Variants in ATP10A observed in about 807,000 individuals in gnomAD.
The protein encoded by ATP10A is phospholipid-transporting ATPase VA.
In ATP10A, 111 loss-of-function variants were observed where a neutral mutation model predicts 147.8. The ratio of observed to expected loss-of-function variants is 0.75; its 90% confidence interval spans 0.64 to 0.88. The LOEUF is 0.88. Among genes scored for constraint, ATP10A ranks in the 40% least tolerant of loss-of-function variants. ATP10A has a pLI of 0.00. For synonymous variants in ATP10A, 875 were observed against 841.6 expected, an observed-to-expected ratio of 1.04 and a Z score of -0.69; for missense variants, 1,927 against 1,959.0, an observed-to-expected ratio of 0.98 and a Z score of 0.31.
intron 2 of ATP10A, among the ~76,000 whole-genome samples, chr15:25,761,424 C>T (rs986704851): frequency 6.6e-6 from 1 of 152,232 alleles, no homozygotes; most frequent in African/African-American, 2.4e-5. Flanking sequence ...AGAAGAGGGC[C>T]ACCGTCCTCC....
chr15:25,768,544 T>C (rs1418061385), intron 2 of ATP10A, among the ~76,000 whole-genome samples: 2 of 150,568 alleles, frequency 1.3e-5, no homozygotes, highest in East Asian at 1.9e-4. Flanking sequence ...CTCTCTCTTT[T>C]TTTTTTTTTT....
intron 2 of ATP10A, among the ~76,000 whole-genome samples, chr15:25,773,292 C>T (rs1482130117): frequency 6.6e-6 from 1 of 152,130 alleles, no homozygotes; most frequent in Non-Finnish European, 1.5e-5. Flanking sequence ...ATAGGTTGAA[C>T]GAGGGAAGCT....
chr15:25,756,097 T>G (rs1009636090), intron 2 of ATP10A, among the ~76,000 whole-genome samples: 4 of 152,228 alleles, frequency 2.6e-5, no homozygotes, highest in Non-Finnish European at 5.9e-5. Context: ...GTTCTGTTCA[T>G]TGTTTACCTT....
At chr15:25,825,268 T>C (rs1892068674) in intron 1 of ATP10A, among the ~76,000 whole-genome samples, 1 of 152,066 alleles carries the variant, frequency 6.6e-6, no homozygotes, top group Non-Finnish European at 1.5e-5. Flanking sequence ...GGCTATGAGG[T>C]GGGGCAAACA....
intron 1 of ATP10A, among the ~76,000 whole-genome samples, chr15:25,808,244 G>T (rs1274045498): frequency 1.3e-5 from 2 of 152,152 alleles, no homozygotes; most frequent in Admixed American, 6.5e-5. Context: ...TTACTATCCT[G>T]CAGGGAATTT....
intron 1 of ATP10A, among the ~76,000 whole-genome samples, chr15:25,820,306 GAAGTA>G (rs1891827272): frequency 6.6e-6 from 1 of 152,124 alleles, no homozygotes; most frequent in Non-Finnish European, 1.5e-5. Context: ...AAAAGTTAAA[GAAGTA>G]AATTTCAAAA....
chr15:25,719,463 G>A (rs1902068251), intron 7 of ATP10A, among the ~76,000 whole-genome samples: 1 of 152,126 alleles, frequency 6.6e-6, no homozygotes, highest in Non-Finnish European at 1.5e-5. Flanking sequence ...TCAGCCCAGT[G>A]CACCGGAAGC....
intron 1 of ATP10A, among the ~76,000 whole-genome samples, chr15:25,794,458 TAC>T (rs1192276592): frequency 1.3e-5 from 2 of 152,230 alleles, no homozygotes; most frequent in Non-Finnish European, 2.9e-5. Flanking sequence ...TGTAATGGGC[TAC>T]AGAGTATGAT....
chr15:25,779,859 C>T (rs1889814918), intron 2 of ATP10A, among the ~76,000 whole-genome samples: 1 of 151,780 alleles, frequency 6.6e-6, no homozygotes, highest in Non-Finnish European at 1.5e-5. Flanking sequence ...CACACACACA[C>T]ACACACACAC....
chr15:25,807,258 C>T (rs1891228850), intron 1 of ATP10A, among the ~76,000 whole-genome samples: 2 of 152,234 alleles, frequency 1.3e-5, no homozygotes, highest in South Asian at 4.1e-4. Context: ...CACCCCACCC[C>T]AGGCAGGTGG....
chr15:25,794,436 A>T (rs1890572395), intron 1 of ATP10A, among the ~76,000 whole-genome samples: 1 of 152,234 alleles, frequency 6.6e-6, no homozygotes, highest in South Asian at 2.1e-4. Flanking sequence ...TTTACTGCAA[A>T]TATCCCTAAA....
intron 9 of ATP10A, among the ~76,000 whole-genome samples, chr15:25,715,802 C>A (rs749490116): frequency 2.8e-4 from 43 of 152,178 alleles, no homozygotes; most frequent in Non-Finnish European, 5.6e-4. Context: ...GAGGGACCTG[C>A]TGGAAGGGCA....
chr15:25,750,539 G>A (rs1888094407), intron 2 of ATP10A, among the ~76,000 whole-genome samples: 1 of 152,110 alleles, frequency 6.6e-6, no homozygotes, highest in East Asian at 1.9e-4. Context: ...GCAACTGTTT[G>A]TTTGTTTGTT....
At chr15:25,689,326 A>C (rs562773193) in intron 15 of ATP10A, among the ~76,000 whole-genome samples, 2 of 152,320 alleles carry the variant, frequency 1.3e-5, no homozygotes, top group African/African-American at 4.8e-5. Context: ...TAGAGGGTGC[A>C]GGACAAATAG....
intron 1 of ATP10A, among the ~76,000 whole-genome samples, chr15:25,792,077 G>A (rs1206830935): frequency 1.3e-5 from 2 of 152,124 alleles, no homozygotes; most frequent in Non-Finnish European, 2.9e-5. Flanking sequence ...ATCCAATGCT[G>A]CTTCTTCCAG....
At chr15:25,818,862 G>A (rs1181444726) in intron 1 of ATP10A, among the ~76,000 whole-genome samples, 5 of 152,154 alleles carry the variant, frequency 3.3e-5, no homozygotes, top group Admixed American at 3.3e-4. Flanking sequence ...AATAAATGGT[G>A]CTGGGGAAAT....
chr15:25,699,204 T>C lies in ATP10A; in HGVS notation c.2760+2712A>G, dbSNP rs151318205. ...TTTTAAGACTTATAAAAAACTACAG[T>C]AATCAAACTACTACAATGAATCAAT... is the stretch of plus-strand genomic sequence containing the variant. On this transcript the variant is annotated intron_variant, in intron 13 of 20. Coordinates refer to ENST00000555815, the MANE Select transcript of ATP10A (RefSeq NM_024490.4). Among the ~76,000 whole-genome samples, 537 of 152,298 alleles carry C rather than the reference T, an allele frequency of 3.5e-3. 5 individuals carry two copies. Among genetic ancestry groups the C allele is most frequent in the Non-Finnish European group, 5.9e-3 (402 of 68,030 alleles).
At chr15:25,697,044 G>A (rs565828748) in intron 13 of ATP10A, among the ~76,000 whole-genome samples, 2 of 152,302 alleles carry the variant, frequency 1.3e-5, no homozygotes, top group South Asian at 4.1e-4. Context: ...CCTGCCAGAA[G>A]ACTGAAAAGG....
rs1208962881 is a variant in ATP10A, at chr15:25,707,845, A to T, written c.2575+131T>A. ...AGCACCCTCCCGCCTCGGCTGTGCC[A>T]GCGTCCTGCCAGGTGGCTCCCTAAC... On this transcript the variant is annotated intron_variant, in intron 12 of 20. Transcript: ENST00000555815. 5 of 1,302,570 alleles carry T rather than the reference A, an allele frequency of 3.8e-6. No individual in the cohort carries two copies. The Admixed American group carries it at 1.2e-4, about 31-fold the overall frequency. 80.7% of individuals were successfully genotyped at this position (1,302,570 alleles called of 1,614,324 possible). A position where few individuals can be genotyped will look rare whatever the true frequency, so the allele number is the denominator to read the frequency against.
Sources: allele counts gnomAD v4.1 joint callset (sites outside exome capture counted in the v4.1 genomes callset), GRCh38; gene constraint gnomAD v4.1.1; transcripts MANE v1.5; gene names NCBI Gene and HGNC (gene_info 2026-07-23, HGNC 2026-07-21).